Variants in KHDRBS2 observed in about 807,000 individuals in gnomAD.
KHDRBS2 encodes the protein KH RNA binding domain containing, signal transduction associated 2, also known as KH domain-containing, RNA-binding, signal transduction-associated protein 2.
A neutral mutation model predicts 44.3 loss-of-function variants in KHDRBS2; 26 were observed. The observed-to-expected ratio is 0.59, with a 90% CI of 0.43 to 0.81. The LOEUF is 0.81. Among genes scored for constraint, KHDRBS2 ranks in the 40% least tolerant of loss-of-function variants. The pLI is 0.00. For synonymous variants in KHDRBS2, 194 were observed against 151.1 expected (o/e 1.28, Z -2.08); for missense variants, 476 against 433.1 (o/e 1.10, Z -0.88).
chr6:62,190,528 G>A (rs906877638), intron 1 of KHDRBS2, among the ~76,000 whole-genome samples: 1 of 151,986 alleles, frequency 6.6e-6, no homozygotes, highest in Non-Finnish European at 1.5e-5. Context: ...CTGCGCTAAG[G>A]ACACTTCCAG....
intron 4 of KHDRBS2, among the ~76,000 whole-genome samples, chr6:61,956,179 C>G (rs1272546333): frequency 6.6e-6 from 1 of 151,248 alleles, no homozygotes; most frequent in Non-Finnish European, 1.5e-5. Flanking sequence ...GGCAACAGAG[C>G]AAGACTCCTT....
intron 4 of KHDRBS2, among the ~76,000 whole-genome samples, chr6:61,904,619 G>A (rs1179637022): frequency 6.6e-6 from 1 of 152,152 alleles, no homozygotes; most frequent in African/African-American, 2.4e-5. Context: ...GTAGTTAAAT[G>A]CTAACACAGA....
the KHDRBS2 span, among the ~76,000 whole-genome samples, chr6:61,556,124 G>A: frequency 6.6e-6 from 1 of 152,316 alleles, no homozygotes; most frequent in South Asian, 2.1e-4. Context: ...GGATGGAGGA[G>A]GGAGACAGAG....
At chr6:61,689,712 G>T (rs754148618) in intron 8 of KHDRBS2, among the ~76,000 whole-genome samples, 1 of 151,982 alleles carries the variant, frequency 6.6e-6, no homozygotes, top group African/African-American at 2.4e-5. Flanking sequence ...AAACTTCAGA[G>T]AGACTGATCT....
chr6:61,837,725 C>CAGCATAAGTACATAT (rs1792933844), intron 6 of KHDRBS2, among the ~76,000 whole-genome samples: 1 of 152,008 alleles, frequency 6.6e-6, no homozygotes, highest in Non-Finnish European at 1.5e-5. Context: ...CAGCAGACTA[C>CAGCATAAGTACATAT]TGCCTTATGT....
chr6:62,131,046 A>G (rs1323985887), intron 2 of KHDRBS2, among the ~76,000 whole-genome samples: 2 of 152,088 alleles, frequency 1.3e-5, no homozygotes, highest in Non-Finnish European at 2.9e-5. Flanking sequence ...TTATTATTTT[A>G]AGAAAAACCT....
chr6:62,126,069 T>C (rs1808891023), intron 2 of KHDRBS2, among the ~76,000 whole-genome samples: 1 of 152,126 alleles, frequency 6.6e-6, no homozygotes, highest in Admixed American at 6.5e-5. Context: ...GCCTTGGCTA[T>C]TGGATGGCAT....
At chr6:61,896,308 C>G (rs1406144129) in intron 5 of KHDRBS2, among the ~76,000 whole-genome samples, 1 of 152,142 alleles carries the variant, frequency 6.6e-6, no homozygotes, top group East Asian at 1.9e-4. Flanking sequence ...TATGGTCACC[C>G]TACTCTATTC....
chr6:61,722,406 G>C (rs1412082163), intron 7 of KHDRBS2, among the ~76,000 whole-genome samples: 1 of 152,054 alleles, frequency 6.6e-6, no homozygotes, highest in African/African-American at 2.4e-5. Context: ...AACCTTTGTA[G>C]GATTGTTACC....
At chr6:61,664,345 T>C in the KHDRBS2 span, among the ~76,000 whole-genome samples, 5 of 151,912 alleles carry the variant, frequency 3.3e-5, 1 homozygote, top group East Asian at 9.8e-4. Flanking sequence ...TTATCCATTG[T>C]TATTCATTCT....
At chr6:61,597,153 C>T in the KHDRBS2 span, among the ~76,000 whole-genome samples, 9 of 152,168 alleles carry the variant, frequency 5.9e-5, no homozygotes, top group East Asian at 9.6e-4. Context: ...AAGTCAATAT[C>T]TTTCTCATGT....
At chr6:61,776,231 G>T (rs1455437437) in intron 6 of KHDRBS2, among the ~76,000 whole-genome samples, 2 of 152,064 alleles carry the variant, frequency 1.3e-5, no homozygotes, top group Non-Finnish European at 2.9e-5. Flanking sequence ...ATAGGCATGG[G>T]CAAGGACTTC....
At chr6:61,920,924 G>C (rs1258337295) in intron 4 of KHDRBS2, among the ~76,000 whole-genome samples, 1 of 151,772 alleles carries the variant, frequency 6.6e-6, no homozygotes, top group Non-Finnish European at 1.5e-5. Flanking sequence ...CTCCATAAAG[G>C]CAAAAATTAA....
intron 6 of KHDRBS2, among the ~76,000 whole-genome samples, chr6:61,841,377 T>TG (rs1793575297): frequency 6.6e-6 from 1 of 151,836 alleles, no homozygotes; most frequent in Admixed American, 6.6e-5. Flanking sequence ...TGACATAAAA[T>TG]AATTCAACTT....
At chr6:62,248,962 C>A (rs957823690) in intron 1 of KHDRBS2, among the ~76,000 whole-genome samples, 1 of 152,026 alleles carries the variant, frequency 6.6e-6, no homozygotes, top group East Asian at 1.9e-4. Context: ...AGCATAGATG[C>A]TATCATATTA....
intron 2 of KHDRBS2, among the ~76,000 whole-genome samples, chr6:62,115,115 C>A (rs1805903953): frequency 6.6e-6 from 1 of 152,060 alleles, no homozygotes; most frequent in Admixed American, 6.6e-5. Context: ...GAAAAATATA[C>A]ACAAAGAAAT....
At chr6:61,799,422 A>G (rs1785906809) in intron 6 of KHDRBS2, among the ~76,000 whole-genome samples, 1 of 151,938 alleles carries the variant, frequency 6.6e-6, no homozygotes, top group African/African-American at 2.4e-5. Context: ...TTAATAATGT[A>G]TATCTGAAAT....
At position 62,003,483 on chromosome 6, in the gene KHDRBS2, T is replaced by C. The variant is rs564319763; in HGVS notation, c.337-25271A>G. Among the ~76,000 whole-genome samples, 4 of 152,184 alleles carry C rather than the reference T, an allele frequency of 2.6e-5. 1 individual carries two copies. In the South Asian group the frequency reaches 6.2e-4, roughly 24 times the overall value. The stretch of plus-strand genomic sequence containing the variant: ...AAGAGTTAACTATCCTAAATATGTA[T>C]GCTCCCAATATAGGAGCACCCAGAT... On this transcript the variant is annotated intron_variant, in intron 3 of 8. Transcript: ENST00000281156.
intron 1 of KHDRBS2, among the ~76,000 whole-genome samples, chr6:62,178,542 G>A (rs1471163878): frequency 1.3e-5 from 2 of 151,396 alleles, no homozygotes; most frequent in African/African-American, 2.4e-5. Flanking sequence ...ACAGCAGAAG[G>A]CAAGCAAAAA....
Sources: gnomAD v4.1 joint callset for allele counts (sites outside exome capture counted in the v4.1 genomes callset) on GRCh38, gnomAD v4.1.1 for gene constraint, MANE v1.5 for transcripts, NCBI Gene and HGNC (gene_info 2026-07-23, HGNC 2026-07-21) for gene names.